The following C5 variants were observed in gnomAD, a reference collection of about 807,000 sequenced individuals.
C5 encodes the protein complement C5.
In C5, 140 loss-of-function variants were observed where a neutral mutation model predicts 218.8. The ratio of observed to expected loss-of-function variants is 0.64; its 90% CI spans 0.56 to 0.74. The LOEUF (loss-of-function observed/expected upper bound fraction) is 0.74. C5 is among the 30% of genes least tolerant of loss of function. The pLI, the probability that C5 is intolerant of heterozygous loss-of-function variation, is 0.00. For missense variants in C5, 1,700 were observed against 1,969.6 expected (o/e 0.86, Z 2.59); for synonymous variants, 614 against 682.3 (o/e 0.90, Z 1.56).
rs1382561850 is a variant in C5, at chr9:121,006,091, T to G, written c.2423-33A>C. 5 of 1,609,844 alleles carry G rather than the reference T, an allele frequency of 3.1e-6. No individual in the cohort carries two copies. In the South Asian group the frequency reaches 5.5e-5, roughly 18 times the overall value. On this transcript the variant is annotated intron_variant, in intron 19 of 40. Coordinates refer to ENST00000223642, the MANE Select transcript of C5 (RefSeq NM_001735.3). ...CCAAAGTGGAAGCAAAGTAGAATCATATTAGGAAATTCCTATAATGTTTTA... is the reference window on the plus strand; with the variant it reads ...CCAAAGTGGAAGCAAAGTAGAATCAGATTAGGAAATTCCTATAATGTTTTA...
In C5 at chr9:120,976,857, T is replaced by A; in HGVS notation, c.3707A>T (p.Asp1236Val). 1 of 1,614,168 alleles carries A rather than the reference T, an allele frequency of 6.2e-7. No homozygotes were observed. The highest frequency in any genetic ancestry group is 8.5e-7 in the Non-Finnish European group (1 of 1,180,008). The change falls in exon 29 of 41, where the codon GAC (aspartate) becomes GTC (valine). Residue 1236 changes from aspartate to valine, a missense_variant. Asp to Val is a radical substitution (Grantham distance 152). Coordinates refer to ENST00000223642, the MANE Select transcript of C5 (RefSeq NM_001735.3). The part of the protein sequence containing the change: ...RFWKDNLQHK[D>V]SSVPNTGTAR... ...CGTACCAGTGTTAGGTACAGAGCTG[T>A]CTTTATGCTGAAGATTGTCTTTCCA...
intron 3 of C5, among the ~76,000 whole-genome samples, chr9:121,041,990 T>A (rs911156037): frequency 6.6e-6 from 1 of 152,126 alleles, no homozygotes; most frequent in African/African-American, 2.4e-5. Flanking sequence ...ACCCCACTAT[T>A]CTCATCATCA....
In C5 at chr9:120,953,732, G is replaced by A. The variant is rs149147126; in HGVS notation, c.4899C>T (p.Phe1633=). The change falls in exon 40 of 41, where the codon TTC becomes TTT. Residue 1633 remains phenylalanine, a splice_region_variant and synonymous_variant. Transcript: ENST00000223642. ...ACTGAAAAATATTGGTGACTTACCT[G>A]AAACTGAAATTGTATTTTATCTGGA... ...EALQIKYNFS[F]RYIYPLDSLT... 8.5e-5 allele frequency: 137 copies of A among 1,614,056 alleles called. No homozygotes were observed. The African/African-American group carries it at 1.5e-3, about 18-fold the overall frequency.
At chr9:120,982,388 C>T (rs1392458714) in intron 26 of C5, among the ~76,000 whole-genome samples, 2 of 152,204 alleles carry the variant, frequency 1.3e-5, no homozygotes, top group East Asian at 1.9e-4. Flanking sequence ...GGGTCTATCT[C>T]GCTTGAGTGC....
At chr9:121,061,566 C>T in the C5 span, among the ~76,000 whole-genome samples, 3 of 152,286 alleles carry the variant, frequency 2.0e-5, no homozygotes, top group East Asian at 5.8e-4. Context: ...CTTTTCCTTT[C>T]ATCTGTAGTC....
Position 121,046,318 on chromosome 9 carries a change from T to G in C5, c.131A>C (p.Tyr44Ser), listed in dbSNP as rs569108023. Reference protein sequence around the residue: ...GASENIVIQVYGYTEAFDATI... With the variant: ...GASENIVIQVSGYTEAFDATI... ...TGCATCAAATGCTTCAGTGTATCCA[T>G]AAACTTGAATCACAATATTTTCAGA... The change falls in exon 2 of 41, where the codon TAT (tyrosine) becomes TCT (serine). Residue 44 changes from tyrosine to serine, a missense_variant. Transcript: ENST00000223642. 1 of 1,611,946 alleles carries G rather than the reference T, an allele frequency of 6.2e-7. No individual in the cohort carries two copies. Among genetic ancestry groups the G allele is most frequent in the African/African-American group, 1.3e-5 (1 of 74,986 alleles).
intron 33 of C5, among the ~76,000 whole-genome samples, chr9:120,966,678 A>AG (rs1181998720): frequency 2.0e-5 from 3 of 152,146 alleles, no homozygotes; most frequent in African/African-American, 7.2e-5. Flanking sequence ...AATGGCATTT[A>AG]GGGGGAAAGA....
intron 5 of C5, 99 bp downstream of exon 5, chr9:121,034,703 TG>T: frequency 2.8e-6 from 2 of 708,416 alleles, no homozygotes; most frequent in Non-Finnish European, 5.1e-6. Flanking sequence ...TCCACCTATG[TG>T]ACACCCTTTG....
intron 30 of C5, among the ~76,000 whole-genome samples, chr9:120,972,508 C>A (rs2046922337): frequency 6.6e-6 from 1 of 152,278 alleles, no homozygotes; most frequent in South Asian, 2.1e-4. Context: ...CCACTTGTCA[C>A]CGCCTTTGTT....
intron 33 of C5, among the ~76,000 whole-genome samples, chr9:120,968,624 C>A (rs994303524): frequency 2.0e-5 from 3 of 152,124 alleles, no homozygotes; most frequent in Admixed American, 1.3e-4. Context: ...CTCTGGAGCC[C>A]GGGACATTTG....
chr9:121,053,647 G>T (rs1376743863), upstream of C5, among the ~76,000 whole-genome samples: 1 of 152,140 alleles, frequency 6.6e-6, no homozygotes, highest in Non-Finnish European at 1.5e-5. Flanking sequence ...GGGTAGGGGG[G>T]AAGATCTCCC....
Position 121,008,509 on chromosome 9 carries a change from A to AAATC in C5, c.2258-15_2258-12dup. On this transcript the variant is annotated splice_polypyrimidine_tract_variant and intron_variant, in intron 17 of 40. Coordinates refer to ENST00000223642, the MANE Select transcript of C5 (RefSeq NM_001735.3). ...ACAGGGTCTTCATGTCTGGACAAAA[A>AAATC]AATCATATTCAATTATGGAAAAACA... is the stretch of plus-strand genomic sequence containing the variant. The AAATC allele has an allele frequency of 6.3e-7, 1 of 1,583,768 alleles. No homozygotes were observed. Among genetic ancestry groups the AAATC allele is most frequent in the Non-Finnish European group, 8.7e-7 (1 of 1,152,470 alleles).
Position 120,957,237 on chromosome 9 carries a change from A to G in C5, c.4762+48T>C. ...ATATAATGCCTGGCACATAGTCAGT[A>G]CTAAATAGTTGCTGAATGAAGGAAC... On this transcript the variant is annotated intron_variant, in intron 39 of 40. Coordinates refer to ENST00000223642, the MANE Select transcript of C5 (RefSeq NM_001735.3). 4 of 1,229,268 alleles carry G rather than the reference A, an allele frequency of 3.3e-6. No individual in the cohort carries two copies. The Admixed American group carries it at 6.7e-5, about 21-fold the overall frequency. The allele number at this position is 1,229,268 out of a possible 1,614,324, so 76.1% of individuals were successfully genotyped here.
rs868488283 is a variant in C5, at chr9:120,962,998, C to A, written c.4324-31G>T. 5 of 1,535,618 alleles carry A rather than the reference C, an allele frequency of 3.3e-6. No individual in the cohort carries two copies. The Middle Eastern group carries it at 5.1e-4, about 155-fold the overall frequency. ...GGGGAAAAGAGAGAAGCTTGAATTT[C>A]ATTTCATTATCTTTTTGTTTAAATG... On this transcript the variant is annotated intron_variant, in intron 34 of 40. Transcript: ENST00000223642.
chr9:120,997,810 T>G, intron 20 of C5, 36 bp from the exon 21 acceptor site: 1 of 1,064,316 alleles, frequency 9.4e-7, no homozygotes, highest in Non-Finnish European at 1.2e-6. Context: ...CAAAATACAT[T>G]TTTTTTTTTT....
chr9:120,969,184 A>T (rs1479217346), intron 32 of C5, 66 bp from the exon 33 acceptor site: 1 of 1,246,738 alleles, frequency 8.0e-7, no homozygotes, highest in Non-Finnish European at 1.2e-6. Context: ...CTGCTTTGGA[A>T]CCTGTCAGAA....
At chr9:121,007,405 C>T (rs1179655030) in intron 18 of C5, among the ~76,000 whole-genome samples, 1 of 152,188 alleles carries the variant, frequency 6.6e-6, no homozygotes, top group African/African-American at 2.4e-5. Context: ...AACTTTGTAT[C>T]AGGTATAGTG....
At chr9:121,065,072 A>T in the C5 span, among the ~76,000 whole-genome samples, 1 of 64,226 alleles carries the variant, frequency 1.6e-5, no homozygotes, top group Non-Finnish European at 3.5e-5. Context: ...TCCATCTAAA[A>T]AAATATATAT....
In C5 at chr9:120,952,702, A is replaced by G. The variant is rs750591495; in HGVS notation, c.*37T>C. ...AAACGAACTTCAACAACAGGAGTCC[A>G]TAAGTGCAAACTGTATGCAGCTGAA... On this transcript the variant is annotated 3_prime_UTR_variant, in exon 41 of 41. Transcript: ENST00000223642. 8.7e-6 allele frequency: 14 copies of G among 1,608,616 alleles called. No homozygotes were observed. Among genetic ancestry groups the G allele is most frequent in the Non-Finnish European group, 1.2e-5 (14 of 1,177,326 alleles).
Sources: allele counts gnomAD v4.1 joint callset (sites outside exome capture counted in the v4.1 genomes callset), GRCh38; gene constraint gnomAD v4.1.1; transcripts MANE v1.5; gene names NCBI Gene and HGNC (gene_info 2026-07-23, HGNC 2026-07-21).